GLB1: variants seen among roughly 807,000 people sequenced by gnomAD.
GLB1 encodes beta-galactosidase.
A neutral mutation model predicts 74.0 loss-of-function variants in GLB1; 56 were observed. The ratio of observed to expected loss-of-function variants is 0.76; its 90% CI spans 0.61 to 0.94. The LOEUF (loss-of-function observed/expected upper bound fraction) is 0.94. GLB1 is among the 40% of genes least tolerant of loss of function. The pLI is 0.00. For synonymous variants in GLB1, 323 were observed against 323.6 expected, an observed-to-expected ratio of 1.00 and a Z score of 0.02; for missense variants, 787 against 845.5, an observed-to-expected ratio of 0.93 and a Z score of 0.86.
chr3:32,979,188 C>G, the GLB1 span, among the ~76,000 whole-genome samples: 31 of 151,970 alleles, frequency 2.0e-4, no homozygotes, highest in Non-Finnish European at 3.8e-4. Flanking sequence ...GTTGGTCAGC[C>G]TAGTCTCGAA....
chr3:33,013,563 G>A (rs1157689330), intron 15 of GLB1, among the ~76,000 whole-genome samples: 1 of 152,162 alleles, frequency 6.6e-6, no homozygotes, highest in Non-Finnish European at 1.5e-5. Context: ...GTCTTCAAAC[G>A]ACAAGGCGGA....
downstream of GLB1, among the ~76,000 whole-genome samples, chr3:32,996,028 G>A (rs1263886621): frequency 2.6e-5 from 4 of 151,966 alleles, no homozygotes; most frequent in Non-Finnish European, 4.4e-5. Flanking sequence ...ATGTGTACCC[G>A]GACACTAGAG....
intron 15 of GLB1, among the ~76,000 whole-genome samples, chr3:33,013,344 A>G (rs1697104618): frequency 6.6e-6 from 1 of 152,178 alleles, no homozygotes; most frequent in African/African-American, 2.4e-5. Flanking sequence ...TTTTAATATG[A>G]GTCTGCCTCC....
At chr3:32,980,610 GTC>G in the GLB1 span, among the ~76,000 whole-genome samples, 1 of 151,188 alleles carries the variant, frequency 6.6e-6, no homozygotes, top group African/African-American at 2.4e-5. Context: ...GTGAACCCCT[GTC>G]TCTACTAAAA....
the GLB1 span, among the ~76,000 whole-genome samples, chr3:32,971,110 A>G: frequency 6.6e-6 from 1 of 152,254 alleles, no homozygotes; most frequent in East Asian, 1.9e-4. Context: ...TCAGTGGTCT[A>G]CGCTAACACA....
chr3:33,091,422 C>A, intron 1 of GLB1: 1 of 985,524 alleles, frequency 1.0e-6, no homozygotes, highest in Non-Finnish European at 1.2e-6. Context: ...TGACACATCA[C>A]CTGCCCCAGC....
At chr3:32,967,398 C>G in the GLB1 span, among the ~76,000 whole-genome samples, 3 of 151,000 alleles carry the variant, frequency 2.0e-5, no homozygotes, top group Admixed American at 6.6e-5. Context: ...GAAACCTCGT[C>G]TCTACTAAAA....
intron 6 of GLB1, among the ~76,000 whole-genome samples, chr3:33,053,918 CAGG>C: frequency 6.6e-6 from 1 of 152,246 alleles, no homozygotes; most frequent in Admixed American, 6.5e-5. Context: ...GAGGCTGAGG[CAGG>C]AGAATTGCTT....
chr3:33,077,384 C>T, intron 1 of GLB1: 2 of 1,230,996 alleles, frequency 1.6e-6, no homozygotes, highest in South Asian at 1.2e-5. Context: ...GATCAGATTC[C>T]AATTTGACAG....
intron 14 of GLB1, among the ~76,000 whole-genome samples, chr3:33,015,186 A>ATCAC (rs1697190883): frequency 1.3e-5 from 2 of 152,154 alleles, no homozygotes; most frequent in Non-Finnish European, 2.9e-5. Flanking sequence ...GGAATGAGTG[A>ATCAC]GTGTGGGATA....
At chr3:33,078,713 G>A (rs1700217136) in intron 1 of GLB1, among the ~76,000 whole-genome samples, 1 of 152,224 alleles carries the variant, frequency 6.6e-6, no homozygotes, top group Non-Finnish European at 1.5e-5. Context: ...ATCATTATAT[G>A]TGATATGATA....
intron 10 of GLB1, among the ~76,000 whole-genome samples, chr3:33,043,844 GAAAAAAA>G (rs376478014): frequency 9.5e-6 from 1 of 104,982 alleles, no homozygotes; most frequent in Non-Finnish European, 1.8e-5. Context: ...ACCAAAAAAA[GAAAAAAA>G]AAAAAAAAAA....
intron 1 of GLB1, chr3:33,076,994 C>G: frequency 1.0e-5 from 12 of 1,170,030 alleles, no homozygotes; most frequent in Non-Finnish European, 1.3e-5. Context: ...GAGGCCAAGG[C>G]AGGAGAATTG....
intron 10 of GLB1, among the ~76,000 whole-genome samples, chr3:33,044,704 A>G (rs1380098662): frequency 1.3e-5 from 2 of 152,180 alleles, no homozygotes; most frequent in African/African-American, 2.4e-5. Context: ...AAAATTTGTA[A>G]TATTCATTTT....
chr3:32,998,914 T>C (rs1696431038), intron 15 of GLB1, among the ~76,000 whole-genome samples: 1 of 152,226 alleles, frequency 6.6e-6, no homozygotes, highest in South Asian at 2.1e-4. Flanking sequence ...TAGATCCTTC[T>C]GAATTTCCTA....
chr3:33,096,957 C>T, intron 1 of GLB1, 54 bp downstream of exon 1: 1 of 1,592,284 alleles, frequency 6.3e-7, no homozygotes, highest in Non-Finnish European at 8.5e-7. Flanking sequence ...GCCCGGTTCC[C>T]CGCCAGCCTG....
intron 9 of GLB1, 79 bp from the exon 10 acceptor site, chr3:33,046,311 C>T: frequency 4.6e-6 from 7 of 1,534,238 alleles, no homozygotes; most frequent in African/African-American, 1.4e-5. Context: ...ATGAGCTCAG[C>T]ACTGTAGAGA....
rs1338048598 is a variant in GLB1 at position 32,996,934 on chromosome 3, T to C, written c.*111A>G. ...GGGAAACCTCAGGTGAAAATGCACATCCTAAATTCCTTTTCCATTTCCACA... is the reference window on the plus strand; with the variant it reads ...GGGAAACCTCAGGTGAAAATGCACACCCTAAATTCCTTTTCCATTTCCACA... On this transcript the variant is annotated 3_prime_UTR_variant, in exon 16 of 16. Transcript: ENST00000307363. 1 of 1,597,650 alleles carries C rather than the reference T, an allele frequency of 6.3e-7. No individual in the cohort carries two copies. The highest frequency in any genetic ancestry group is 8.5e-7 in the Non-Finnish European group (1 of 1,170,394).
Position 33,014,113 on chromosome 3 carries a change from G to A in GLB1, c.1677C>T (p.Pro559=). The A allele has an allele frequency of 6.2e-7, 1 of 1,614,192 alleles. No individual in the cohort carries two copies. The highest frequency in any genetic ancestry group is 1.1e-5 in the South Asian group (1 of 91,076). ...PAFYMGNFSI[P]SGIPDLPQDT... ...CCTGGGGCAAGTCTGGGATCCCACT[G>A]GGAATGGAGAAGTTCCCCATATAAA... The change falls in exon 15 of 16, where the codon CCC becomes CCT. Residue 559 remains proline, a synonymous_variant. Transcript: ENST00000307363.
Sources: allele counts gnomAD v4.1 joint callset (sites outside exome capture counted in the v4.1 genomes callset), GRCh38; gene constraint gnomAD v4.1.1; transcripts MANE v1.5; gene names NCBI Gene and HGNC (gene_info 2026-07-23, HGNC 2026-07-21).